The following PDE4B variants were observed in gnomAD, a reference collection of about 807,000 sequenced individuals.
PDE4B encodes phosphodiesterase 4B.
In PDE4B, 20 loss-of-function variants were observed where a neutral mutation model predicts 82.2. The ratio of observed to expected loss-of-function variants is 0.24; its 90% CI spans 0.17 to 0.35. PDE4B has a LOEUF of 0.35. PDE4B is among the 10% of genes least tolerant of loss of function. PDE4B has a pLI of 1.00. For synonymous variants in PDE4B, 320 were observed against 318.9 expected, an observed-to-expected ratio of 1.00 and a Z score of -0.04; for missense variants, 655 against 907.2, an observed-to-expected ratio of 0.72 and a Z score of 3.57.
intron 1 of PDE4B, among the ~76,000 whole-genome samples, chr1:65,832,813 A>G (rs1646097554): frequency 6.6e-6 from 1 of 152,196 alleles, no homozygotes; most frequent in African/African-American, 2.4e-5. Flanking sequence ...TTCATGTGGA[A>G]TTTTAAAAGA....
At chr1:66,331,140 C>T (rs1411020057) in intron 7 of PDE4B, among the ~76,000 whole-genome samples, 1 of 152,212 alleles carries the variant, frequency 6.6e-6, no homozygotes, top group Non-Finnish European at 1.5e-5. Flanking sequence ...ACACCACAGA[C>T]ATAAGATTAT....
At chr1:66,007,396 A>G (rs907062413) in intron 3 of PDE4B, among the ~76,000 whole-genome samples, 1 of 152,146 alleles carries the variant, frequency 6.6e-6, no homozygotes, top group African/African-American at 2.4e-5. Context: ...GTGAGCCGAG[A>G]TCATGCCACT....
intron 4 of PDE4B, among the ~76,000 whole-genome samples, 160 bp downstream of exon 4, chr1:66,247,814 T>C (rs1653440642): frequency 6.6e-6 from 1 of 152,256 alleles, no homozygotes; most frequent in African/African-American, 2.4e-5. Context: ...AGGACATTAA[T>C]GCTCTATAGC....
chr1:65,814,326 G>T (rs924081754), intron 1 of PDE4B, among the ~76,000 whole-genome samples: 1 of 152,276 alleles, frequency 6.6e-6, no homozygotes, highest in South Asian at 2.1e-4. Flanking sequence ...AGATGCTGTA[G>T]AGAATATGTG....
intron 1 of PDE4B, among the ~76,000 whole-genome samples, chr1:65,890,230 T>C (rs1646838707): frequency 6.6e-6 from 1 of 152,064 alleles, no homozygotes; most frequent in Non-Finnish European, 1.5e-5. Flanking sequence ...TTTAAGATAA[T>C]TTGCCTTATA....
chr1:66,057,101 C>G (rs1341597557), intron 3 of PDE4B, among the ~76,000 whole-genome samples: 2 of 152,070 alleles, frequency 1.3e-5, no homozygotes, highest in African/African-American at 4.8e-5. Flanking sequence ...ATTATCATCC[C>G]CTACCCAAGA....
chr1:66,352,737 T>A (rs978990736), intron 8 of PDE4B, among the ~76,000 whole-genome samples: 2 of 152,084 alleles, frequency 1.3e-5, no homozygotes, highest in African/African-American at 2.4e-5. Flanking sequence ...CACTGCTATA[T>A]CATCACTCTT....
intron 7 of PDE4B, among the ~76,000 whole-genome samples, chr1:66,331,022 G>T (rs1173193980): frequency 6.6e-6 from 1 of 152,070 alleles, no homozygotes; most frequent in Non-Finnish European, 1.5e-5. Flanking sequence ...TGAATATTTC[G>T]GGGATAAACA....
intron 3 of PDE4B, among the ~76,000 whole-genome samples, chr1:65,999,894 T>C (rs949761545): frequency 3.3e-5 from 5 of 152,226 alleles, no homozygotes; most frequent in Non-Finnish European, 7.3e-5. Flanking sequence ...GAAGCTTTGT[T>C]GATACTTACT....
chr1:66,195,007 A>T (rs1371824902), intron 3 of PDE4B, among the ~76,000 whole-genome samples: 5 of 152,192 alleles, frequency 3.3e-5, no homozygotes, highest in Non-Finnish European at 7.4e-5. Context: ...ATGAGTTTTT[A>T]AAAATTAAAC....
At chr1:66,186,052 A>G (rs1020901910) in intron 3 of PDE4B, among the ~76,000 whole-genome samples, 7 of 152,204 alleles carry the variant, frequency 4.6e-5, no homozygotes, top group South Asian at 2.1e-4. Flanking sequence ...CTTTCTACAT[A>G]TGGCTAGCCA....
chr1:66,243,087 A>G (rs1359147415), intron 3 of PDE4B, among the ~76,000 whole-genome samples: 1 of 152,256 alleles, frequency 6.6e-6, no homozygotes, highest in East Asian at 1.9e-4. Flanking sequence ...TAAGCCAGTG[A>G]TATTTCTATG....
chr1:66,090,866 C>A (rs1027379459), intron 3 of PDE4B, among the ~76,000 whole-genome samples: 8 of 151,812 alleles, frequency 5.3e-5, no homozygotes, highest in African/African-American at 1.7e-4. Flanking sequence ...ATGACGGGAA[C>A]TAGAGAATGT....
intron 7 of PDE4B, among the ~76,000 whole-genome samples, chr1:66,269,102 AT>A (rs1186870940): frequency 1.3e-5 from 2 of 152,324 alleles, no homozygotes; most frequent in Middle Eastern, 3.4e-3. Context: ...ATGAGCCAAT[AT>A]TTTTATCTCT....
Position 66,257,948 on chromosome 1 carries a change from A to G in PDE4B, c.584+85A>G, listed in dbSNP as rs556836214. On this transcript the variant is annotated intron_variant, in intron 6 of 16. Transcript: ENST00000341517. ...CAGCATTTAAAAAAATACAACTATTACATGGAAAATTGTCCTCTAAGCTAA... is the reference window on the plus strand; with the variant it reads ...CAGCATTTAAAAAAATACAACTATTGCATGGAAAATTGTCCTCTAAGCTAA... 2.9e-3 allele frequency: 2,611 copies of G among 903,694 alleles called. 4 individuals carry two copies. Among genetic ancestry groups the G allele is most frequent in the Non-Finnish European group, 4.2e-3 (2,337 of 556,056 alleles). 56.0% of individuals were successfully genotyped at this position (903,694 alleles called of 1,614,324 possible). A position where few individuals can be genotyped will look rare whatever the true frequency, so the allele number is the denominator to read the frequency against.
At chr1:65,997,235 T>A (rs1409031902) in intron 3 of PDE4B, among the ~76,000 whole-genome samples, 1 of 148,428 alleles carries the variant, frequency 6.7e-6, no homozygotes, top group Admixed American at 7.0e-5. Flanking sequence ...TATCTCTCTG[T>A]CCATGCTTGC....
At chr1:65,876,424 T>A (rs975935531) in intron 1 of PDE4B, among the ~76,000 whole-genome samples, 7 of 152,110 alleles carry the variant, frequency 4.6e-5, no homozygotes, top group African/African-American at 1.4e-4. Flanking sequence ...CAAATATATA[T>A]ATACATATTA....
chr1:66,041,208 C>T (rs1429160850), intron 3 of PDE4B, among the ~76,000 whole-genome samples: 1 of 151,888 alleles, frequency 6.6e-6, no homozygotes, highest in African/African-American at 2.4e-5. Context: ...AAACTGTTGG[C>T]TTACTTCCTG....
At chr1:65,825,648 C>G (rs1399501082) in intron 1 of PDE4B, among the ~76,000 whole-genome samples, 1 of 151,796 alleles carries the variant, frequency 6.6e-6, no homozygotes, top group East Asian at 1.9e-4. Context: ...AAGTTCAAGA[C>G]CAGCCTAGGC....
Sources: gnomAD v4.1 joint callset for allele counts (sites outside exome capture counted in the v4.1 genomes callset) on GRCh38, gnomAD v4.1.1 for gene constraint, MANE v1.5 for transcripts, NCBI Gene and HGNC (gene_info 2026-07-23, HGNC 2026-07-21) for gene names.